SLC39A14: variants seen among roughly 807,000 people sequenced by gnomAD.
The protein encoded by SLC39A14 is metal cation symporter ZIP14.
In SLC39A14, 19 loss-of-function variants were observed where a neutral mutation model predicts 45.5. The ratio of observed to expected loss-of-function variants is 0.42; its 90% CI spans 0.29 to 0.61. The LOEUF (loss-of-function observed/expected upper bound fraction) is 0.61, where lower values mean the gene tolerates loss of function less well. SLC39A14 is among the 20% of genes least tolerant of loss of function. The pLI is 0.22. For missense variants in SLC39A14, 447 were observed against 616.5 expected (o/e 0.73, Z 2.91); for synonymous variants, 264 against 251.3 (o/e 1.05, Z -0.48).
At chr8:22,403,873 G>A (rs565376930) in intron 1 of SLC39A14, among the ~76,000 whole-genome samples, 25 of 152,022 alleles carry the variant, frequency 1.6e-4, no homozygotes, top group Non-Finnish European at 2.9e-4. Context: ...AGCCGAGATC[G>A]TGCCACTGCA....
chr8:22,377,492 C>G (rs1586641321), intron 1 of SLC39A14, among the ~76,000 whole-genome samples: 1 of 152,114 alleles, frequency 6.6e-6, no homozygotes, highest in Non-Finnish European at 1.5e-5. Flanking sequence ...GCAGACAAAG[C>G]TAGGAAACAG....
chr8:22,386,530 G>T (rs540878758), intron 1 of SLC39A14, among the ~76,000 whole-genome samples: 2 of 152,380 alleles, frequency 1.3e-5, no homozygotes, highest in South Asian at 2.1e-4. Flanking sequence ...GCCTCCCGAA[G>T]TGCTAGGATT....
chr8:22,379,727 G>A (rs998115999), intron 1 of SLC39A14, among the ~76,000 whole-genome samples: 16 of 151,946 alleles, frequency 1.1e-4, no homozygotes, highest in East Asian at 1.9e-4. Context: ...TCAAGAGATC[G>A]AGACCATCCC....
chr8:22,387,644 C>T lies in SLC39A14; in HGVS notation c.-15-17052C>T, dbSNP rs528123329. Among the ~76,000 whole-genome samples the T allele has an allele frequency of 6.4e-4, 98 of 152,276 alleles. 1 individual carries two copies. Among genetic ancestry groups the T allele is most frequent in the African/African-American group, 2.3e-3 (94 of 41,562 alleles). On this transcript the variant is annotated intron_variant, in intron 1 of 8. Transcript: ENST00000381237. ...CTGAGGATAGGGGGCCTTGTGTGAG[C>T]GGGTGTTGGATCGTCTGGCCCTGAG...
At chr8:22,386,594 C>T (rs773385286) in intron 1 of SLC39A14, among the ~76,000 whole-genome samples, 2 of 152,184 alleles carry the variant, frequency 1.3e-5, no homozygotes, top group Non-Finnish European at 2.9e-5. Context: ...AAGCTGTGAA[C>T]TTAAGATTTG....
At chr8:22,394,507 G>C (rs1318965924) in intron 1 of SLC39A14, among the ~76,000 whole-genome samples, 1 of 151,306 alleles carries the variant, frequency 6.6e-6, no homozygotes, top group African/African-American at 2.4e-5. Context: ...TTTTAGTAGA[G>C]ACGGGGTTTC....
intron 1 of SLC39A14, among the ~76,000 whole-genome samples, chr8:22,371,800 A>G (rs1163223112): frequency 6.8e-6 from 1 of 146,870 alleles, no homozygotes; most frequent in Non-Finnish European, 1.5e-5. Flanking sequence ...GCTGGAGTGC[A>G]GTGGCACGAT....
At chr8:22,370,236 A>G (rs1322586972) in intron 1 of SLC39A14, among the ~76,000 whole-genome samples, 2 of 151,828 alleles carry the variant, frequency 1.3e-5, no homozygotes, top group Non-Finnish European at 2.9e-5. Flanking sequence ...CTGTTTTTAA[A>G]CCCTGCTTAC....
Position 22,412,042 on chromosome 8 carries a change from G to C in SLC39A14, c.463G>C (p.Gly155Arg). ...EGRPSAVEVW[G>R]YGLLCVTVIS... ...GCCCTCCCTCCGCACGGCAGTGTGG[G>C]GATACGGTCTCCTCTGTGTGACCGT... Residue 155 changes from glycine (G) to arginine (R), a missense_variant, in exon 4 of 9, where the codon GGA (glycine) becomes CGA (arginine). This residue lies in a region of SLC39A14 where 342 missense variants were observed against 428.1 expected (regional missense o/e 0.80). Coordinates refer to ENST00000381237, the MANE Select transcript of SLC39A14 (RefSeq NM_001128431.4). The C allele has an allele frequency of 6.4e-7, 1 of 1,550,776 alleles. No individual in the cohort carries two copies. Among genetic ancestry groups the C allele is most frequent in the Non-Finnish European group, 8.7e-7 (1 of 1,146,920 alleles).
chr8:22,384,293 C>T (rs1300182848), intron 1 of SLC39A14, among the ~76,000 whole-genome samples: 2 of 152,214 alleles, frequency 1.3e-5, no homozygotes, highest in South Asian at 2.1e-4. Flanking sequence ...CTTTTTCTTC[C>T]TCTGCCACAG....
At chr8:22,396,106 C>T (rs928945527) in intron 1 of SLC39A14, among the ~76,000 whole-genome samples, 1 of 151,996 alleles carries the variant, frequency 6.6e-6, no homozygotes, top group Non-Finnish European at 1.5e-5. Flanking sequence ...GTGGTTTCCG[C>T]CTGTAATCCC....
chr8:22,378,719 C>T (rs1833341010), intron 1 of SLC39A14, among the ~76,000 whole-genome samples: 1 of 152,208 alleles, frequency 6.6e-6, no homozygotes, highest in African/African-American at 2.4e-5. Context: ...CAGCAAATAC[C>T]TGCAGGCTCA....
At position 22,422,623 on chromosome 8, in the gene SLC39A14, G is replaced by A. The variant is rs1488554114; in HGVS notation, c.*2925G>A. 2 of 981,804 alleles carry A rather than the reference G, an allele frequency of 2.0e-6. No individual in the cohort carries two copies. Among genetic ancestry groups the A allele is most frequent in the Non-Finnish European group, 2.4e-6 (2 of 826,682 alleles). 60.8% of individuals were successfully genotyped at this position (981,804 alleles called of 1,614,324 possible). On this transcript the variant is annotated 3_prime_UTR_variant, in exon 9 of 9. Coordinates refer to ENST00000381237, the MANE Select transcript of SLC39A14 (RefSeq NM_001128431.4). ...ATTAGAAAAGAAAATTAACTTATGTGGACTGTAAATGTTTTATTTGTAAGA... is the reference window on the plus strand; with the variant it reads ...ATTAGAAAAGAAAATTAACTTATGTAGACTGTAAATGTTTTATTTGTAAGA...
rs753345586 is a variant in SLC39A14, at chr8:22,380,536, C to T, written c.-16+13128C>T. On this transcript the variant is annotated intron_variant, in intron 1 of 8. Transcript: ENST00000381237. ...TCAGTGTTGCCACTGGGTTAGGGAC[C>T]CACGCACAGATGCAGTCGAAGACTG... Among the ~76,000 whole-genome samples, 4 of 152,114 alleles carry T rather than the reference C, an allele frequency of 2.6e-5. 1 individual carries two copies. The highest frequency in any genetic ancestry group is 5.9e-5 in the Non-Finnish European group (4 of 68,020).
rs7819682 is a variant in SLC39A14 at position 22,397,771 on chromosome 8, G to A, written c.-15-6925G>A. Among the ~76,000 whole-genome samples the A allele has an allele frequency of 3.4e-3, 525 of 152,308 alleles. 1 individual carries two copies. Among genetic ancestry groups the A allele is most frequent in the African/African-American group, 0.012 (496 of 41,564 alleles). ...GAGCCATGGTTATCTGCTAGCTGGA[G>A]ATACATTTCTATCAGGCTCAGCGGT... is the stretch of plus-strand genomic sequence containing the variant. On this transcript the variant is annotated intron_variant, in intron 1 of 8. Coordinates refer to ENST00000381237, the MANE Select transcript of SLC39A14 (RefSeq NM_001128431.4).
At chr8:22,390,964 A>AT (rs1474440104) in intron 1 of SLC39A14, among the ~76,000 whole-genome samples, 1 of 152,146 alleles carries the variant, frequency 6.6e-6, no homozygotes, top group Non-Finnish European at 1.5e-5. Context: ...GGTGTGGCTC[A>AT]TGGCAAGGAC....
At chr8:22,368,253 C>T (rs1330904830) in intron 1 of SLC39A14, among the ~76,000 whole-genome samples, 2 of 152,062 alleles carry the variant, frequency 1.3e-5, no homozygotes, top group African/African-American at 4.8e-5. Context: ...TTGACCTGAC[C>T]CTTCTTCCTG....
chr8:22,400,529 G>T (rs560292514), intron 1 of SLC39A14, among the ~76,000 whole-genome samples: 3 of 152,022 alleles, frequency 2.0e-5, no homozygotes, highest in South Asian at 2.1e-4. Context: ...AGTCATTTTT[G>T]CCTAAGATCC....
downstream of SLC39A14, among the ~76,000 whole-genome samples, chr8:22,425,477 G>A (rs1836368061): frequency 6.6e-6 from 1 of 151,616 alleles, no homozygotes; most frequent in Non-Finnish European, 1.5e-5. Context: ...AAATGTGGAC[G>A]TAGTGTTTTT....
Sources: allele counts gnomAD v4.1 joint callset (sites outside exome capture counted in the v4.1 genomes callset), GRCh38; gene constraint gnomAD v4.1.1; regional missense constraint gnomAD v4.1.1; transcripts MANE v1.5; gene names NCBI Gene and HGNC (gene_info 2026-07-23, HGNC 2026-07-21).